Variants in GLYR1 observed in about 807,000 individuals in gnomAD.
GLYR1 encodes glyoxylate reductase 1 homolog, also known as cytokine-like nuclear factor N-PAC.
GLYR1 carries 21 observed loss-of-function variants against 72.7 expected under a neutral mutation model. The observed-to-expected ratio is 0.29, with a 90% CI of 0.20 to 0.42. The LOEUF is 0.42. Ranked by LOEUF, GLYR1 falls within the 10% of genes least tolerant of loss-of-function variation. The pLI, the probability that GLYR1 is intolerant of heterozygous loss-of-function variation, is 1.00. For missense variants in GLYR1, 594 were observed against 712.1 expected, an observed-to-expected ratio of 0.83 and a Z score of 1.89; for synonymous variants, 392 against 270.2, an observed-to-expected ratio of 1.45 and a Z score of -4.42.
At position 4,811,762 on chromosome 16, in the gene GLYR1, G is replaced by A; in HGVS notation, c.1323C>T (p.Asn441=). 6.2e-7 allele frequency: 1 copy of A among 1,614,020 alleles called. No individual in the cohort carries two copies. Among genetic ancestry groups the A allele is most frequent in the Non-Finnish European group, 8.5e-7 (1 of 1,179,958 alleles). Residue 441 remains asparagine (N), a synonymous_variant, in exon 14 of 16, where the codon AAC becomes AAT. Transcript: ENST00000321919. ...TGGCCATGAAGCTCCCTTGGACCAT[G>A]TTCACGATCAGCATCATCTTGGCTG... ...GNAAKMMLIV[N]MVQGSFMATI... is the part of the protein sequence containing the mutation.
At position 4,832,896 on chromosome 16, in the gene GLYR1, C is replaced by T; in HGVS notation, c.172G>A (p.Glu58Lys). 1 of 1,611,500 alleles carries T rather than the reference C, an allele frequency of 6.2e-7. No individual in the cohort carries two copies. Among genetic ancestry groups the T allele is most frequent in the Non-Finnish European group, 8.5e-7 (1 of 1,178,868 alleles). ...GTEDHAWIKV[E>K]QLKPYHAHKE... is the part of the protein sequence containing the mutation. ...TGAGCATGATATGGCTTCAGCTGTT[C>T]CACTTTGATCCAGGCACTAGCAGAA... The change falls in exon 4 of 16, where the codon GAA (glutamate) becomes AAA (lysine). Residue 58 changes from glutamate to lysine, a missense_variant. Physicochemically the swap from Glu to Lys is moderately conservative, Grantham distance 56. Transcript: ENST00000321919.
chr16:4,832,789 G>C lies in GLYR1; in HGVS notation c.279C>G (p.Ala93=), dbSNP rs371393418. ...VDAVEEFLRR[A]KGKDQTSSHN... The stretch of plus-strand genomic sequence containing the variant: ...TGTCTCTCACCTGGTCTTTCCCTTT[G>C]GCTCTCCTGAGGAACTCTTCGACAG... Residue 93 remains alanine (A), a synonymous_variant, in exon 4 of 16, where the codon GCC becomes GCG. Transcript: ENST00000321919. 6.2e-7 allele frequency: 1 copy of C among 1,609,392 alleles called. No homozygotes were observed. The highest frequency in any genetic ancestry group is 8.5e-7 in the Non-Finnish European group (1 of 1,177,982).
At chr16:4,846,739 C>T (rs532752168) in intron 1 of GLYR1, 222 of 224,046 alleles carry the variant, frequency 9.9e-4, no homozygotes, top group Admixed American at 2.2e-3. Flanking sequence ...GTCCCCCCGC[C>T]GTTTCTTCGC....
chr16:4,839,585 C>A (rs1047815876), intron 3 of GLYR1: 1 of 152,106 alleles, frequency 6.6e-6, no homozygotes, highest in African/African-American at 2.4e-5. Context: ...ATTACGTGGG[C>A]AGTTTTGTCT....
At chr16:4,815,582 A>C (rs192955474) in intron 10 of GLYR1, among the ~76,000 whole-genome samples, 5 of 152,334 alleles carry the variant, frequency 3.3e-5, no homozygotes, top group Admixed American at 3.3e-4. Context: ...AATAGAATAA[A>C]ACAGGTTCTA....
At chr16:4,837,423 T>C (rs566161969) in intron 3 of GLYR1, among the ~76,000 whole-genome samples, 27 of 151,182 alleles carry the variant, frequency 1.8e-4, no homozygotes, top group African/African-American at 6.3e-4. Flanking sequence ...AGAGCAAGAC[T>C]TGGTCTTTAA....
intron 10 of GLYR1, 114 bp downstream of exon 10, chr16:4,817,484 A>T: frequency 1.5e-6 from 1 of 671,614 alleles, no homozygotes; most frequent in Non-Finnish European, 2.7e-6. Flanking sequence ...CTGGACTAAA[A>T]GCTTGGCTTC....
intron 10 of GLYR1, 97 bp from the exon 11 acceptor site, chr16:4,814,744 A>T: frequency 2.0e-6 from 2 of 990,926 alleles, no homozygotes; most frequent in Admixed American, 4.1e-5. Flanking sequence ...CTGGCGGCCT[A>T]CCAAGGCAGG....
At chr16:4,846,867 C>T (rs1177324256) in intron 1 of GLYR1, 2 of 351,510 alleles carry the variant, frequency 5.7e-6, no homozygotes, top group Non-Finnish European at 1.0e-5. Context: ...GGTCCGGTCC[C>T]CGGCGCTTCT....
chr16:4,820,522 A>G (rs2083944108), intron 9 of GLYR1, among the ~76,000 whole-genome samples: 1 of 152,078 alleles, frequency 6.6e-6, no homozygotes, highest in South Asian at 2.1e-4. Context: ...TTTTTTTAAC[A>G]CAATCCTCCT....
intron 9 of GLYR1, 44 bp from the exon 10 acceptor site, chr16:4,817,741 G>A (rs1041332243): frequency 1.8e-5 from 22 of 1,197,806 alleles, no homozygotes; most frequent in Non-Finnish European, 2.7e-5. Context: ...GAAAGGGAGG[G>A]TCACGGTGAT....
rs2083350839 is a variant in GLYR1 at position 4,812,073 on chromosome 16, G to A, written c.1282+13C>T. 6.2e-7 allele frequency: 1 copy of A among 1,610,914 alleles called. No homozygotes were observed. The highest frequency in any genetic ancestry group is 8.5e-7 in the Non-Finnish European group (1 of 1,178,400). On this transcript the variant is annotated intron_variant, in intron 13 of 15. Coordinates refer to ENST00000321919, the MANE Select transcript of GLYR1 (RefSeq NM_032569.4). ...GCCCCAGGCTCCAGGCCTGACAGGT[G>A]CAGGCGTGTTACCTAGGAAGAAGGA...
Position 4,805,068 on chromosome 16 carries a change from G to A in GLYR1, c.*168C>T, listed in dbSNP as rs1382292717. The A allele has an allele frequency of 1.6e-6, 1 of 640,256 alleles. No homozygotes were observed. Among genetic ancestry groups the A allele is most frequent in the Non-Finnish European group, 2.8e-6 (1 of 355,398 alleles). 39.7% of individuals were successfully genotyped at this position (640,256 alleles called of 1,614,324 possible). A position where few individuals can be genotyped will look rare whatever the true frequency, so the allele number is the denominator to read the frequency against. Reference sequence around the variant, plus strand: ...ACTTGTCCCCTCCCCACCGGCCTCAGGGGAAGGGTGCTGCTGTGTGCTGTG... The same window carrying A: ...ACTTGTCCCCTCCCCACCGGCCTCAAGGGAAGGGTGCTGCTGTGTGCTGTG... On this transcript the variant is annotated 3_prime_UTR_variant, in exon 16 of 16. Transcript: ENST00000321919.
At chr16:4,817,522 C>A in intron 10 of GLYR1, 76 bp downstream of exon 10, 1 of 867,314 alleles carries the variant, frequency 1.2e-6, no homozygotes, top group South Asian at 1.4e-5. Context: ...AACGCTGAGA[C>A]AACAGGGGGA....
intron 1 of GLYR1, 36 bp from the exon 2 acceptor site, chr16:4,846,246 A>T: frequency 1.2e-6 from 2 of 1,611,764 alleles, no homozygotes; most frequent in Non-Finnish European, 1.7e-6. Flanking sequence ...CTTGCCCTGC[A>T]AAAGCCAGTC....
At chr16:4,844,166 C>A (rs906481528) in intron 3 of GLYR1, among the ~76,000 whole-genome samples, 5 of 150,658 alleles carry the variant, frequency 3.3e-5, no homozygotes, top group Admixed American at 2.6e-4. Flanking sequence ...AGGTAAGCCA[C>A]TTGACATAGT....
chr16:4,838,221 T>C (rs987030790), intron 3 of GLYR1, among the ~76,000 whole-genome samples: 2 of 152,190 alleles, frequency 1.3e-5, no homozygotes, highest in Non-Finnish European at 2.9e-5. Flanking sequence ...TCCAAGCTGC[T>C]ATGCTTCTAA....
intron 3 of GLYR1, chr16:4,843,501 C>T: frequency 7.8e-7 from 1 of 1,279,828 alleles, no homozygotes; most frequent in South Asian, 1.3e-5. Context: ...TTCCCTCTTC[C>T]AGAAGCTCTG....
At chr16:4,834,814 A>G (rs2142022927) in intron 3 of GLYR1, among the ~76,000 whole-genome samples, 1 of 152,306 alleles carries the variant, frequency 6.6e-6, no homozygotes, top group East Asian at 1.9e-4. Context: ...GAGAGCGCCA[A>G]TGAGTCCAAT....
Sources: gnomAD v4.1 joint callset for allele counts (sites outside exome capture counted in the v4.1 genomes callset) on GRCh38, gnomAD v4.1.1 for gene constraint, MANE v1.5 for transcripts, NCBI Gene and HGNC (gene_info 2026-07-23, HGNC 2026-07-21) for gene names.